Variants in EFNA5 observed in about 807,000 individuals in gnomAD.
EFNA5 encodes the protein ephrin-A5.
EFNA5 carries 5 observed loss-of-function variants against 22.9 expected under a neutral mutation model. That is an observed-to-expected ratio of 0.22 (90% CI 0.11 to 0.46). EFNA5 has a LOEUF of 0.46. Ranked by LOEUF, EFNA5 falls within the 20% of genes least tolerant of loss-of-function variation. The pLI, the probability that EFNA5 is intolerant of heterozygous loss-of-function variation, is 0.99. For synonymous variants in EFNA5, 113 were observed against 112.2 expected (o/e 1.01, Z -0.04); for missense variants, 237 against 293.3 (o/e 0.81, Z 1.40).
chr5:107,535,529 A>T (rs1747913392), intron 1 of EFNA5, among the ~76,000 whole-genome samples: 1 of 152,192 alleles, frequency 6.6e-6, no homozygotes, highest in South Asian at 2.1e-4. Context: ...CAAATGATAA[A>T]GTTTGAAAAG....
intron 1 of EFNA5, among the ~76,000 whole-genome samples, chr5:107,602,040 G>A (rs549352921): frequency 5.3e-5 from 8 of 152,182 alleles, no homozygotes; most frequent in South Asian, 4.2e-4. Context: ...GCATTACTCC[G>A]AATTTAACGC....
At chr5:107,424,224 T>C (rs1189276815) in intron 2 of EFNA5, among the ~76,000 whole-genome samples, 7 of 143,846 alleles carry the variant, frequency 4.9e-5, no homozygotes, top group South Asian at 2.3e-4. Flanking sequence ...TTTTTTTTTT[T>C]GAGACGGAGT....
chr5:107,562,835 A>G (rs572212623), intron 1 of EFNA5, among the ~76,000 whole-genome samples: 1 of 152,362 alleles, frequency 6.6e-6, no homozygotes, highest in East Asian at 1.9e-4. Context: ...TGAGCTTATA[A>G]AGCCAAATTA....
In EFNA5 at chr5:107,609,429, C is replaced by A. The variant is rs376472115; in HGVS notation, c.125+61060G>T. On this transcript the variant is annotated intron_variant, in intron 1 of 4. Coordinates refer to ENST00000333274, the MANE Select transcript of EFNA5 (RefSeq NM_001962.3). Reference sequence around the variant, plus strand: ...CTCCTGCCTTCCCGTGACTTGGCCTCCTTTGATCTTTCTCTCCTGGTTATT... The same window carrying A: ...CTCCTGCCTTCCCGTGACTTGGCCTACTTTGATCTTTCTCTCCTGGTTATT... 1.3e-5 allele frequency among the ~76,000 whole-genome samples: 2 copies of A among 152,250 alleles called. 1 individual carries two copies. The highest frequency in any genetic ancestry group is 3.9e-4 in the East Asian group (2 of 5,180).
chr5:107,612,776 A>G (rs969374377), intron 1 of EFNA5, among the ~76,000 whole-genome samples: 2 of 152,100 alleles, frequency 1.3e-5, no homozygotes, highest in Non-Finnish European at 1.5e-5. Flanking sequence ...AAGCCTACTT[A>G]ATGAACTGCT....
At chr5:107,491,288 G>A (rs1398858249) in intron 1 of EFNA5, among the ~76,000 whole-genome samples, 1 of 152,092 alleles carries the variant, frequency 6.6e-6, no homozygotes. Flanking sequence ...TTTTCTCAAG[G>A]CAATACAGAC....
At chr5:107,513,870 A>C (rs1203261781) in intron 1 of EFNA5, among the ~76,000 whole-genome samples, 3 of 152,150 alleles carry the variant, frequency 2.0e-5, no homozygotes, top group Non-Finnish European at 4.4e-5. Context: ...AATAAGTGTG[A>C]CATGTAAGCT....
intron 1 of EFNA5, among the ~76,000 whole-genome samples, chr5:107,465,886 C>T (rs544403773): frequency 6.6e-5 from 10 of 152,192 alleles, no homozygotes; most frequent in Admixed American, 5.9e-4. Context: ...AACTCAGGTT[C>T]ACGGCTACTG....
At chr5:107,521,603 G>T (rs1252823279) in intron 1 of EFNA5, among the ~76,000 whole-genome samples, 2 of 151,216 alleles carry the variant, frequency 1.3e-5, no homozygotes, top group Admixed American at 1.3e-4. Flanking sequence ...GAGCCACCAA[G>T]TACTAGTTGT....
chr5:107,538,324 C>T (rs112159401), intron 1 of EFNA5, among the ~76,000 whole-genome samples: 7 of 152,088 alleles, frequency 4.6e-5, no homozygotes, highest in African/African-American at 7.3e-5. Context: ...GAGGTACTTA[C>T]TGATGTTTAC....
chr5:107,422,714 G>A (rs904533244), intron 2 of EFNA5, among the ~76,000 whole-genome samples: 1 of 152,188 alleles, frequency 6.6e-6, no homozygotes, highest in Non-Finnish European at 1.5e-5. Context: ...TTCAACCATG[G>A]AGGACCTTGC....
chr5:107,378,385 G>A lies in EFNA5; in HGVS notation c.*2870C>T, dbSNP rs542343761. The A allele has an allele frequency of 6.6e-6, 1 of 151,916 alleles. No homozygotes were observed. Among genetic ancestry groups the A allele is most frequent in the Non-Finnish European group, 1.5e-5 (1 of 67,992 alleles). 9.4% of individuals were successfully genotyped at this position (151,916 alleles called of 1,614,324 possible). A position where few individuals can be genotyped will look rare whatever the true frequency, so the allele number is the denominator to read the frequency against. ...GGCAACCAGGGGCAAAGGTCACTGG[G>A]GTTTGACTAACTGGGGCTGAGTGGC... On this transcript the variant is annotated 3_prime_UTR_variant, in exon 5 of 5. Transcript: ENST00000333274.
intron 1 of EFNA5, among the ~76,000 whole-genome samples, chr5:107,499,375 C>T (rs770978178): frequency 6.6e-6 from 1 of 152,194 alleles, no homozygotes; most frequent in Non-Finnish European, 1.5e-5. Flanking sequence ...TGGAATTCGG[C>T]AACTGTTGTT....
At chr5:107,645,179 G>T (rs1341146270) in intron 1 of EFNA5, among the ~76,000 whole-genome samples, 1 of 152,118 alleles carries the variant, frequency 6.6e-6, no homozygotes, top group Non-Finnish European at 1.5e-5. Flanking sequence ...AATGTCTTCA[G>T]CTATCCAGAC....
chr5:107,466,266 C>CA (rs1245504390), intron 1 of EFNA5, among the ~76,000 whole-genome samples: 6 of 152,130 alleles, frequency 3.9e-5, no homozygotes, highest in African/African-American at 1.4e-4. Flanking sequence ...CGTGTTAAGC[C>CA]ATGATGTGTC....
chr5:107,633,339 C>T (rs1464034789), intron 1 of EFNA5, among the ~76,000 whole-genome samples: 1 of 152,214 alleles, frequency 6.6e-6, no homozygotes, highest in Non-Finnish European at 1.5e-5. Context: ...TGTGCTCTTT[C>T]CACCTTTCCT....
chr5:107,627,609 C>A (rs1336507624), intron 1 of EFNA5, among the ~76,000 whole-genome samples: 2 of 141,380 alleles, frequency 1.4e-5, no homozygotes, highest in African/African-American at 5.4e-5. Flanking sequence ...GCACTCCAAC[C>A]TGGGTGACAG....
chr5:107,635,169 A>C (rs530247688), intron 1 of EFNA5, among the ~76,000 whole-genome samples: 84 of 152,364 alleles, frequency 5.5e-4, no homozygotes, highest in African/African-American at 2.0e-3. Context: ...TTCTTAAAAT[A>C]ACATTCTTCT....
At chr5:107,483,051 T>C (rs761767141) in intron 1 of EFNA5, among the ~76,000 whole-genome samples, 11 of 152,142 alleles carry the variant, frequency 7.2e-5, no homozygotes, top group Non-Finnish European at 1.5e-4. Context: ...CTAATTAGTT[T>C]ACAGTGTTTA....
Sources: allele counts gnomAD v4.1 joint callset (sites outside exome capture counted in the v4.1 genomes callset), GRCh38; gene constraint gnomAD v4.1.1; transcripts MANE v1.5; gene names NCBI Gene and HGNC (gene_info 2026-07-23, HGNC 2026-07-21).